ARFGEF1: variants seen among roughly 807,000 people sequenced by gnomAD.
ARFGEF1 encodes brefeldin A-inhibited guanine nucleotide-exchange protein 1.
Under a neutral mutation model 231.0 loss-of-function variants are expected in ARFGEF1, and 42 were observed. The observed-to-expected ratio is 0.18, with a 90% CI of 0.14 to 0.24. ARFGEF1 has a LOEUF of 0.24. ARFGEF1 is among the 10% of genes least tolerant of loss of function. ARFGEF1 has a pLI of 1.00. For missense variants in ARFGEF1, 1,345 were observed against 2,192.0 expected (o/e 0.61, Z 7.72); for synonymous variants, 710 against 732.3 (o/e 0.97, Z 0.49).
At chr8:67,314,938 G>A (rs1807236397) in intron 1 of ARFGEF1, among the ~76,000 whole-genome samples, 1 of 152,166 alleles carries the variant, frequency 6.6e-6, no homozygotes, top group East Asian at 1.9e-4. Context: ...TACTCAGGAG[G>A]CTGAGTCAGG....
intron 19 of ARFGEF1, 145 bp downstream of exon 19, chr8:67,251,154 C>G: frequency 1.3e-6 from 1 of 745,688 alleles, no homozygotes; most frequent in South Asian, 4.2e-5. Context: ...CTACTATGTC[C>G]TAAATAACAT....
intron 5 of ARFGEF1, among the ~76,000 whole-genome samples, chr8:67,192,074 T>G (rs748905518): frequency 8.3e-5 from 12 of 143,984 alleles, no homozygotes; most frequent in Non-Finnish European, 1.4e-4. Flanking sequence ...TTGTTTTTTT[T>G]TTTGTTTTTT....
intron 1 of ARFGEF1, among the ~76,000 whole-genome samples, chr8:67,302,905 T>TAAAAAAAAAAAAAAAAA (rs1563902346): frequency 6.0e-5 from 6 of 100,228 alleles, no homozygotes; most frequent in African/African-American, 2.3e-4. Context: ...ACCCCATCTC[T>TAAAAAAAAAAAAAAAAA]TAAAAAAAAA....
At chr8:67,180,997 A>C (rs1279351184) in intron 5 of ARFGEF1, among the ~76,000 whole-genome samples, 1 of 151,936 alleles carries the variant, frequency 6.6e-6, no homozygotes, top group Non-Finnish European at 1.5e-5. Flanking sequence ...CATGTGATAA[A>C]ATTCCAAATT....
intron 3 of ARFGEF1, among the ~76,000 whole-genome samples, chr8:67,300,008 A>G (rs1806407115): frequency 6.6e-6 from 1 of 152,084 alleles, no homozygotes; most frequent in Admixed American, 6.6e-5. Context: ...TTTCCACATA[A>G]ACAAGGTTTT....
intron 5 of ARFGEF1, among the ~76,000 whole-genome samples, chr8:67,294,766 T>C (rs142630812): frequency 6.6e-6 from 1 of 152,232 alleles, no homozygotes; most frequent in Non-Finnish European, 1.5e-5. Context: ...AGGGATAGTA[T>C]ATAAACATAT....
intron 23 of ARFGEF1, among the ~76,000 whole-genome samples, chr8:67,228,498 G>GT: frequency 6.6e-6 from 1 of 151,930 alleles, no homozygotes; most frequent in South Asian, 2.1e-4. Flanking sequence ...TATTATTAGG[G>GT]TAAGTATATA....
In ARFGEF1 at chr8:67,199,242, TGA is replaced by T; in HGVS notation, c.5386-146_5386-145del. The T allele has an allele frequency of 1.8e-5, 16 of 878,520 alleles. No individual in the cohort carries two copies. The South Asian group carries it at 2.7e-4, about 15-fold the overall frequency. The allele number at this position is 878,520 out of a possible 1,614,324, so 54.4% of individuals were successfully genotyped here. A position where few individuals can be genotyped will look rare whatever the true frequency, so the allele number is the denominator to read the frequency against. On this transcript the variant is annotated intron_variant, in intron 38 of 38. Coordinates refer to ENST00000262215, the MANE Select transcript of ARFGEF1 (RefSeq NM_006421.5). Reference sequence around the variant, plus strand: ...AGGCAGTGACTCTGGTTTGTGGAACTGAGAGACAGAAGTGTTAGAAAAACTCA... The same window carrying T: ...AGGCAGTGACTCTGGTTTGTGGAACTGAGACAGAAGTGTTAGAAAAACTCA...
chr8:67,267,510 C>A (rs1587170771), intron 10 of ARFGEF1, 68 bp from the exon 11 acceptor site: 1 of 1,033,630 alleles, frequency 9.7e-7, no homozygotes, highest in East Asian at 2.5e-5. Context: ...ACTTTTTAAA[C>A]ATCCCAGAGC....
chr8:67,259,672 TG>T, intron 15 of ARFGEF1, 142 bp downstream of exon 15: 1 of 525,504 alleles, frequency 1.9e-6, no homozygotes, highest in Middle Eastern at 5.2e-4. Flanking sequence ...CCCAGCACTT[TG>T]GGAGGCTGAG....
intron 1 of ARFGEF1, among the ~76,000 whole-genome samples, chr8:67,339,194 T>C (rs1341242769): frequency 1.3e-5 from 2 of 152,188 alleles, no homozygotes. Context: ...CCCTGTCTGA[T>C]GCAAAAATTA....
chr8:67,325,273 T>A (rs1264251136), intron 1 of ARFGEF1, among the ~76,000 whole-genome samples: 1 of 152,094 alleles, frequency 6.6e-6, no homozygotes, highest in Non-Finnish European at 1.5e-5. Flanking sequence ...CCCCATATAC[T>A]TAAACTATCA....
At chr8:67,192,455 A>C (rs1463734605) in intron 5 of ARFGEF1, among the ~76,000 whole-genome samples, 1 of 152,126 alleles carries the variant, frequency 6.6e-6, no homozygotes, top group Non-Finnish European at 1.5e-5. Flanking sequence ...TCTAGTTATC[A>C]ATGTGTGATT....
intron 38 of ARFGEF1, 145 bp from the exon 39 acceptor site, chr8:67,199,243 G>GA (rs1838225068): frequency 1.2e-6 from 1 of 869,334 alleles, no homozygotes; most frequent in Admixed American, 3.0e-5. Flanking sequence ...TTGTGGAACT[G>GA]AGAGACAGAA....
intron 29 of ARFGEF1, among the ~76,000 whole-genome samples, chr8:67,224,559 C>T (rs1487111468): frequency 6.6e-6 from 1 of 152,108 alleles, no homozygotes; most frequent in African/African-American, 2.4e-5. Context: ...TTCTATCATT[C>T]ATCAGGAAAT....
rs141040561 is a variant in ARFGEF1, at chr8:67,189,714, A to T, written c.560+10682T>A. ...AAATATTGAGAGACAAAATGCCATG[A>T]TGTCACCAACTTATTGGTGTAGCAA... On this transcript the variant is annotated intron_variant, in intron 5 of 5. Coordinates refer to the ARFGEF1 transcript ENST00000518789. 4.4e-3 allele frequency among the ~76,000 whole-genome samples: 674 copies of T among 152,344 alleles called. 9 individuals are homozygous for T. The highest frequency in any genetic ancestry group is 0.015 in the African/African-American group (641 of 41,584).
At position 67,240,249 on chromosome 8, in the gene ARFGEF1, T is replaced by A; in HGVS notation, c.2892A>T (p.Leu964=). The part of the protein sequence containing the change: ...TPFLAAFSVG[L]QDCDDTEVAS... ...CTACTTCAGTATCATCACAATCTTG[T>A]AGACCCACACTGAATGCAGCCAGAA... The change falls in exon 20 of 39, where the codon CTA becomes CTT. Residue 964 remains leucine, a synonymous_variant. Coordinates refer to ENST00000262215, the MANE Select transcript of ARFGEF1 (RefSeq NM_006421.5). The A allele has an allele frequency of 1.9e-6, 3 of 1,612,372 alleles. No individual in the cohort carries two copies. In the South Asian group the frequency reaches 3.3e-5, roughly 18 times the overall value.
At chr8:67,275,860 T>C in intron 9 of ARFGEF1, 116 bp downstream of exon 9, 2 of 1,237,600 alleles carry the variant, frequency 1.6e-6, no homozygotes, top group Non-Finnish European at 1.1e-6. Context: ...CTCCACCCAA[T>C]TTTTTTTTAT....
At position 67,218,043 on chromosome 8, in the gene ARFGEF1, C is replaced by T. The variant is rs1469265853; in HGVS notation, c.4434G>A (p.Leu1478=). 1 of 1,611,778 alleles carries T rather than the reference C, an allele frequency of 6.2e-7. No homozygotes were observed. Among genetic ancestry groups the T allele is most frequent in the Non-Finnish European group, 8.5e-7 (1 of 1,179,046 alleles). Residue 1478 remains leucine (L), a synonymous_variant, in exon 31 of 39, where the codon TTG becomes TTA. Coordinates refer to ENST00000262215, the MANE Select transcript of ARFGEF1 (RefSeq NM_006421.5). The part of the protein sequence containing the change: ...QYLEVLSDVL[L]DDIFAQLYWC... ...AGTAGAGCTGAGCAAAAATGTCATC[C>T]AAAAGTACATCACTGAGTACTTCTA...
Sources: allele counts gnomAD v4.1 joint callset (sites outside exome capture counted in the v4.1 genomes callset), GRCh38; gene constraint gnomAD v4.1.1; transcripts MANE v1.5; gene names NCBI Gene and HGNC (gene_info 2026-07-23, HGNC 2026-07-21).